Variants in RBPMS2 observed in about 807,000 individuals in gnomAD.
The protein encoded by RBPMS2 is RNA binding protein, mRNA processing factor 2.
In RBPMS2, 14 loss-of-function variants were observed where a neutral mutation model predicts 25.7. The ratio of observed to expected loss-of-function variants is 0.55; its 90% CI spans 0.36 to 0.85. The LOEUF is 0.85. Ranked by LOEUF, RBPMS2 falls within the 40% of genes least tolerant of loss-of-function variation. RBPMS2 has a pLI of 0.01. For missense variants in RBPMS2, 252 were observed against 283.4 expected, an observed-to-expected ratio of 0.89 and a Z score of 0.80; for synonymous variants, 127 against 115.6, an observed-to-expected ratio of 1.10 and a Z score of -0.63.
At chr15:64,751,535 C>A (rs1209841898) in intron 2 of RBPMS2, 26 bp downstream of exon 2, 3 of 1,606,454 alleles carry the variant, frequency 1.9e-6, no homozygotes, top group Non-Finnish European at 2.6e-6. Flanking sequence ...AGGCTCTACC[C>A]AGGGGGCGGC....
At chr15:64,750,431 G>A (rs1336147967) in intron 2 of RBPMS2, 50 bp from the exon 3 acceptor site, 3 of 1,532,286 alleles carry the variant, frequency 2.0e-6, no homozygotes, top group African/African-American at 1.4e-5. Context: ...CGTATGTTGT[G>A]CTAGCCCAGC....
chr15:64,746,130 A>G (rs1049968996), intron 6 of RBPMS2, among the ~76,000 whole-genome samples: 10 of 152,236 alleles, frequency 6.6e-5, no homozygotes, highest in African/African-American at 2.4e-4. Flanking sequence ...GGGAAACAGT[A>G]AAACAACCTG....
chr15:64,772,605 T>C (rs965981784), intron 1 of RBPMS2, among the ~76,000 whole-genome samples: 5 of 152,298 alleles, frequency 3.3e-5, no homozygotes, highest in East Asian at 1.9e-4. Context: ...AAACAAGCCA[T>C]GTGGTTACAC....
chr15:64,775,413 G>A lies in RBPMS2; in HGVS notation c.-94C>T. On this transcript the variant is annotated 5_prime_UTR_variant, in exon 1 of 8. Transcript: ENST00000300069. The stretch of plus-strand genomic sequence containing the variant: ...AAGGGGCGCGGGGAGCGGTGCGCTC[G>A]CGGGTGCGGAGCGGGTGGCGGGGGA... 1 of 611,718 alleles carries A rather than the reference G, an allele frequency of 1.6e-6. No individual in the cohort carries two copies. The allele number at this position is 611,718 out of a possible 1,614,324, so 37.9% of individuals were successfully genotyped here.
At chr15:64,769,268 A>G (rs564408611) in intron 1 of RBPMS2, among the ~76,000 whole-genome samples, 1 of 151,400 alleles carries the variant, frequency 6.6e-6, no homozygotes, top group East Asian at 1.9e-4. Context: ...TCTACTAAAA[A>G]TACAGAATTA....
chr15:64,770,333 T>C (rs1176640935), intron 1 of RBPMS2, among the ~76,000 whole-genome samples: 1 of 152,220 alleles, frequency 6.6e-6, no homozygotes, highest in African/African-American at 2.4e-5. Flanking sequence ...AATAGCTACA[T>C]GAAAGTTATT....
chr15:64,774,732 A>AACCGGCCGGCCGGCCG (rs1555431923), intron 1 of RBPMS2, among the ~76,000 whole-genome samples: 4 of 147,120 alleles, frequency 2.7e-5, no homozygotes, highest in Admixed American at 1.3e-4. Context: ...GGAACCGAGG[A>AACCGGCCGGCCGGCCG]GCCGGCCGGC....
At chr15:64,766,865 C>T (rs1335066935) in intron 1 of RBPMS2, among the ~76,000 whole-genome samples, 2 of 151,928 alleles carry the variant, frequency 1.3e-5, no homozygotes, top group Non-Finnish European at 2.9e-5. Context: ...CATTAAGTGG[C>T]CTCCGCCTCC....
chr15:64,753,773 A>T (rs2083705271), intron 1 of RBPMS2, among the ~76,000 whole-genome samples: 1 of 152,002 alleles, frequency 6.6e-6, no homozygotes, highest in African/African-American at 2.4e-5. Flanking sequence ...CTCACACCTC[A>T]CAGCCCTGGC....
Position 64,749,413 on chromosome 15 carries a change from TG to T in RBPMS2, c.267+17del, listed in dbSNP as rs766871096. 6.2e-7 allele frequency: 1 copy of T among 1,608,412 alleles called. No homozygotes were observed. Among genetic ancestry groups the T allele is most frequent in the South Asian group, 1.1e-5 (1 of 90,866 alleles). On this transcript the variant is annotated intron_variant, in intron 4 of 7. Transcript: ENST00000300069. The stretch of plus-strand genomic sequence containing the variant: ...AGAGGGCTGTGAGTCAGAGAAGACC[TG>T]TTCTCCACCTACTCACGTTCAGCGC...
At chr15:64,764,617 G>A (rs35758491) in intron 1 of RBPMS2, among the ~76,000 whole-genome samples, 6 of 152,196 alleles carry the variant, frequency 3.9e-5, no homozygotes, top group Non-Finnish European at 7.3e-5. Flanking sequence ...GGCCACGACT[G>A]TACAGCAAGA....
intron 3 of RBPMS2, 36 bp downstream of exon 3, chr15:64,750,306 TG>T: frequency 6.3e-7 from 1 of 1,596,390 alleles, no homozygotes; most frequent in Non-Finnish European, 8.6e-7. Context: ...GCAGCCGGTC[TG>T]GGCTGGGAGG....
intron 1 of RBPMS2, among the ~76,000 whole-genome samples, chr15:64,769,005 G>A (rs555518707): frequency 5.4e-5 from 8 of 148,188 alleles, no homozygotes; most frequent in South Asian, 2.1e-4. Flanking sequence ...GGAGGCTGAG[G>A]CAGGAGAATG....
chr15:64,748,473 A>G lies in RBPMS2; in HGVS notation c.513T>C (p.His171=). 6.2e-7 allele frequency: 1 copy of G among 1,614,106 alleles called. No individual in the cohort carries two copies. ...TGGCAGTTGGGTAGGTGAACGCAGCATGGGAGATGGCTGGGGTCAGCTCTG... is the reference window on the plus strand; with the variant it reads ...TGGCAGTTGGGTAGGTGAACGCAGCGTGGGAGATGGCTGGGGTCAGCTCTG... The part of the protein sequence containing the change: ...YTTELTPAIS[H]AAFTYPTATA... The change falls in exon 6 of 8, where the codon CAT becomes CAC. Residue 171 remains histidine, a synonymous_variant. Coordinates refer to ENST00000300069, the MANE Select transcript of RBPMS2 (RefSeq NM_194272.3).
chr15:64,758,347 G>A (rs1447072499), intron 1 of RBPMS2, among the ~76,000 whole-genome samples: 1 of 152,238 alleles, frequency 6.6e-6, no homozygotes, highest in Non-Finnish European at 1.5e-5. Flanking sequence ...TGGGAGCACA[G>A]TCAGGTCCTC....
chr15:64,745,379 T>C (rs1485979454), intron 6 of RBPMS2, among the ~76,000 whole-genome samples: 1 of 152,206 alleles, frequency 6.6e-6, no homozygotes, highest in South Asian at 2.1e-4. Flanking sequence ...GTAGATTTCA[T>C]ATACTAAGTT....
chr15:64,763,130 G>A (rs935661061), intron 1 of RBPMS2, among the ~76,000 whole-genome samples: 14 of 152,138 alleles, frequency 9.2e-5, no homozygotes, highest in Non-Finnish European at 1.0e-4. Flanking sequence ...GCACCAGCAG[G>A]TTGCTCTTAC....
At chr15:64,743,649 G>A (rs916699524) in intron 6 of RBPMS2, among the ~76,000 whole-genome samples, 1 of 152,170 alleles carries the variant, frequency 6.6e-6, no homozygotes, top group Non-Finnish European at 1.5e-5. Context: ...CAGGGGGGGG[G>A]GGGCTCCTGA....
intron 1 of RBPMS2, among the ~76,000 whole-genome samples, chr15:64,753,609 C>T (rs2083703029): frequency 6.6e-6 from 1 of 152,172 alleles, no homozygotes; most frequent in Non-Finnish European, 1.5e-5. Context: ...TGACTCTCAG[C>T]CATGGTGAAG....
Sources: gnomAD v4.1 joint callset for allele counts (sites outside exome capture counted in the v4.1 genomes callset) on GRCh38, gnomAD v4.1.1 for gene constraint, MANE v1.5 for transcripts, NCBI Gene and HGNC (gene_info 2026-07-23, HGNC 2026-07-21) for gene names.